Variants in SLC6A3 observed in about 807,000 individuals in gnomAD.
SLC6A3 encodes solute carrier family 6 member 3, also known as sodium-dependent dopamine transporter.
Under a neutral mutation model 70.4 loss-of-function variants are expected in SLC6A3, and 19 were observed. The ratio of observed to expected loss-of-function variants is 0.27; its 90% CI spans 0.19 to 0.40. The LOEUF (loss-of-function observed/expected upper bound fraction) is 0.40. SLC6A3 is among the 10% of genes least tolerant of loss of function. The pLI, the probability that SLC6A3 is intolerant of heterozygous loss-of-function variation, is 1.00. For missense variants in SLC6A3, 613 were observed against 838.5 expected (o/e 0.73, Z 3.32); for synonymous variants, 368 against 356.6 (o/e 1.03, Z -0.36).
chr5:1,413,139 G>A lies in SLC6A3; in HGVS notation c.1156+1552C>T, dbSNP rs1288916426. On this transcript the variant is annotated intron_variant, in intron 8 of 14. Coordinates refer to ENST00000270349, the MANE Select transcript of SLC6A3 (RefSeq NM_001044.5). The surrounding 1 kb of genome is among the most constrained non-coding windows in gnomAD (Gnocchi z 7.1). The stretch of plus-strand genomic sequence containing the variant: ...AGAACATTCAACTTTATTTTCAGGG[G>A]TTAATAGAGGTTTTTGCAAACTATG... Among the ~76,000 whole-genome samples, 1 of 152,206 alleles carries A rather than the reference G, an allele frequency of 6.6e-6. No homozygotes were observed.
At position 1,442,890 on chromosome 5, in the gene SLC6A3, G is replaced by C; in HGVS notation, c.286+22C>G. On this transcript the variant is annotated intron_variant, in intron 2 of 14. Transcript: ENST00000270349. This position sits in a 1 kb window ranked among gnomAD's most constrained non-coding sequence, Gnocchi z 5.0. ...GACCCCCGCCCGGCCAGCATGCTCAGGGAGGCTGAGATGGGACTTACCGCC... is the reference window on the plus strand; with the variant it reads ...GACCCCCGCCCGGCCAGCATGCTCACGGAGGCTGAGATGGGACTTACCGCC... 2.5e-6 allele frequency: 4 copies of C among 1,613,876 alleles called. No individual in the cohort carries two copies.
chr5:1,426,853 A>G (rs1013067074), intron 4 of SLC6A3, among the ~76,000 whole-genome samples: 1 of 152,212 alleles, frequency 6.6e-6, no homozygotes, highest in Non-Finnish European at 1.5e-5. Context: ...GAAAGTTCCA[A>G]TGGATGATGG....
chr5:1,432,734 G>A, intron 3 of SLC6A3, 36 bp from the exon 4 acceptor site: 2 of 1,487,522 alleles, frequency 1.3e-6, no homozygotes, highest in Admixed American at 3.4e-5. Flanking sequence ...GCCCACGCAG[G>A]TGGAGCACAG....
chr5:1,398,944 A>G (rs1202590137), intron 14 of SLC6A3, among the ~76,000 whole-genome samples: 3 of 152,256 alleles, frequency 2.0e-5, no homozygotes, highest in Non-Finnish European at 4.4e-5. Context: ...GCACCCCTAA[A>G]GTTGACAAAG....
intron 3 of SLC6A3, among the ~76,000 whole-genome samples, chr5:1,435,173 A>G (rs932852930): frequency 3.3e-5 from 5 of 152,146 alleles, no homozygotes; most frequent in Admixed American, 1.3e-4. Context: ...ATAATTCTAT[A>G]TTACCGTCTG....
rs1053934983 is a variant in SLC6A3 at position 1,402,312 on chromosome 5, C to A, written c.1767+610G>T. 2.0e-5 allele frequency among the ~76,000 whole-genome samples: 3 copies of A among 151,598 alleles called. No homozygotes were observed. The highest frequency in any genetic ancestry group is 7.3e-5 in the African/African-American group (3 of 41,210). On this transcript the variant is annotated intron_variant, in intron 13 of 14. Transcript: ENST00000270349. The surrounding 1 kb of genome is among the most constrained non-coding windows in gnomAD (Gnocchi z 8.5). ...CAGGGCCCTGTGACTGGTCCACCTG[C>A]CTTTCTTCTACACAAAGGCGGCAAA... is the stretch of plus-strand genomic sequence containing the variant.
intron 14 of SLC6A3, among the ~76,000 whole-genome samples, chr5:1,399,128 T>G (rs577569787): frequency 3.5e-4 from 53 of 152,234 alleles, no homozygotes; most frequent in Admixed American, 1.0e-3. Context: ...ATAGGTATCA[T>G]ATGTGTTTGA....
chr5:1,439,369 C>A (rs1398471804), intron 3 of SLC6A3, among the ~76,000 whole-genome samples: 1 of 152,136 alleles, frequency 6.6e-6, no homozygotes, highest in Non-Finnish European at 1.5e-5. Context: ...TTTGTAGCTC[C>A]ATTTCAGTGC....
In SLC6A3 at chr5:1,402,235, A is replaced by G. The variant is rs1166132963; in HGVS notation, c.1767+687T>C. Among the ~76,000 whole-genome samples the G allele has an allele frequency of 6.6e-6, 1 of 151,840 alleles. No individual in the cohort carries two copies. The highest frequency in any genetic ancestry group is 1.5e-5 in the Non-Finnish European group (1 of 67,944). ...TCTCAGGTGAGGGCGACCCTCTTCC[A>G]AGGAGGGAGTGTCCTTGTCTCTTCC... is the stretch of plus-strand genomic sequence containing the variant. On this transcript the variant is annotated intron_variant, in intron 13 of 14. Transcript: ENST00000270349. The surrounding 1 kb of genome is among the most constrained non-coding windows in gnomAD (Gnocchi z 8.5).
rs57135183 is a variant in SLC6A3 at position 1,398,360 on chromosome 5, CAAA to C, written c.1839+2552_1839+2554del. Among the ~76,000 whole-genome samples the C allele has an allele frequency of 8.3e-4, 57 of 69,062 alleles. No individual in the cohort carries two copies. In the East Asian group the frequency reaches 0.023, roughly 28 times the overall value. The allele number at this position is 69,062 out of a possible 152,430, so 45.3% of individuals were successfully genotyped here. On this transcript the variant is annotated intron_variant, in intron 14 of 14. Transcript: ENST00000270349. ...TGGGTGACAGAGCAAGACTCCACCTCAAAAAAAAAAAAAAAAAGAATAAAGTAT... is the reference window on the plus strand; with the variant it reads ...TGGGTGACAGAGCAAGACTCCACCTCAAAAAAAAAAAAAAGAATAAAGTAT...
At chr5:1,416,571 C>CG in intron 6 of SLC6A3, 2 of 380,616 alleles carry the variant, frequency 5.3e-6, no homozygotes, top group South Asian at 2.2e-5. Context: ...AACAGCACGG[C>CG]CTCATCTACA....
Position 1,406,405 on chromosome 5 carries a change from G to C in SLC6A3, c.1499-117C>G. 1.1e-6 allele frequency: 1 copy of C among 870,808 alleles called. No homozygotes were observed. Among genetic ancestry groups the C allele is most frequent in the Middle Eastern group, 2.2e-4 (1 of 4,476 alleles). The allele number at this position is 870,808 out of a possible 1,614,324, so 53.9% of individuals were successfully genotyped here. Reference sequence around the variant, plus strand: ...CCCCACCTACCGGCCCCAGGCTTCGGCTGCACCCAGCCTCCTGCAGAGGAG... The same window carrying C: ...CCCCACCTACCGGCCCCAGGCTTCGCCTGCACCCAGCCTCCTGCAGAGGAG... On this transcript the variant is annotated intron_variant, in intron 11 of 14. Transcript: ENST00000270349. This position sits in a 1 kb window ranked among gnomAD's most constrained non-coding sequence, Gnocchi z 8.8.
At chr5:1,415,166 C>T (rs1375290344) in intron 7 of SLC6A3, among the ~76,000 whole-genome samples, 1 of 152,042 alleles carries the variant, frequency 6.6e-6, no homozygotes, top group Non-Finnish European at 1.5e-5. Flanking sequence ...GATGCAGATC[C>T]TGACTGGGCG....
At chr5:1,445,192 G>C (rs948857608) in intron 1 of SLC6A3, among the ~76,000 whole-genome samples, 156 bp downstream of exon 1, 1 of 152,164 alleles carries the variant, frequency 6.6e-6, no homozygotes, top group African/African-American at 2.4e-5. Flanking sequence ...GGGGGCGCTC[G>C]GCACCCGCGA....
chr5:1,439,343 G>C (rs1295485971), intron 3 of SLC6A3, among the ~76,000 whole-genome samples: 1 of 143,272 alleles, frequency 7.0e-6, no homozygotes, highest in South Asian at 2.5e-4. Flanking sequence ...GGTGGGGGTG[G>C]GGAGGGAGGC....
chr5:1,444,218 C>T (rs1428230573), intron 1 of SLC6A3, among the ~76,000 whole-genome samples: 1 of 152,158 alleles, frequency 6.6e-6, no homozygotes, highest in Non-Finnish European at 1.5e-5. Flanking sequence ...CAGGGTAACC[C>T]GGGAAATCCT....
intron 7 of SLC6A3, among the ~76,000 whole-genome samples, chr5:1,415,532 T>C (rs1756269152): frequency 6.6e-6 from 1 of 152,208 alleles, no homozygotes; most frequent in Non-Finnish European, 1.5e-5. Flanking sequence ...TCCTTGTATT[T>C]TTACCGTGTT....
At chr5:1,424,934 A>G (rs10475005) in intron 4 of SLC6A3, among the ~76,000 whole-genome samples, 29,688 of 152,202 alleles carry the variant, frequency 0.2, 3,112 homozygotes, top group South Asian at 0.23. Context: ...CCATGCCAGG[A>G]GCAGGGGAAA....
In SLC6A3 at chr5:1,408,984, A is replaced by G. The variant is rs1579705032; in HGVS notation, c.1498+42T>C. The G allele has an allele frequency of 1.4e-6, 2 of 1,410,630 alleles. No homozygotes were observed. The highest frequency in any genetic ancestry group is 2.8e-5 in the African/African-American group (2 of 71,042). The allele number at this position is 1,410,630 out of a possible 1,614,324, so 87.4% of individuals were successfully genotyped here. A position where few individuals can be genotyped will look rare whatever the true frequency, so the allele number is the denominator to read the frequency against. The stretch of plus-strand genomic sequence containing the variant: ...TCAGAAGGGGAGTGGCACAGCCACC[A>G]AACAAGAGGGTGCCGGCTTGGCTGC... On this transcript the variant is annotated intron_variant, in intron 11 of 14. Transcript: ENST00000270349. The surrounding 1 kb of genome is among the most constrained non-coding windows in gnomAD (Gnocchi z 6.4).
Sources: gnomAD v4.1 joint callset for allele counts (sites outside exome capture counted in the v4.1 genomes callset) on GRCh38, gnomAD v4.1.1 for gene constraint, Gnocchi (gnomAD v3.1) non-coding constraint, MANE v1.5 for transcripts, NCBI Gene and HGNC (gene_info 2026-07-23, HGNC 2026-07-21) for gene names.